The following SLC25A12 variants were observed in gnomAD, a reference collection of about 807,000 sequenced individuals.
The protein encoded by SLC25A12 is solute carrier family 25 member 12.
SLC25A12 carries 32 observed loss-of-function variants against 83.3 expected under a neutral mutation model. That is an observed-to-expected ratio of 0.38 (90% CI 0.29 to 0.52). The LOEUF (loss-of-function observed/expected upper bound fraction) is 0.52, where lower values mean the gene tolerates loss of function less well. SLC25A12 is among the 20% of genes least tolerant of loss of function. SLC25A12 has a pLI of 0.84. For missense variants in SLC25A12, 611 were observed against 835.6 expected (o/e 0.73, Z 3.31); for synonymous variants, 267 against 291.1 (o/e 0.92, Z 0.84).
chr2:171,830,383 T>TA (rs1684405801), intron 8 of SLC25A12, among the ~76,000 whole-genome samples: 1 of 152,238 alleles, frequency 6.6e-6, no homozygotes, highest in Non-Finnish European at 1.5e-5. Context: ...AGATATTCTC[T>TA]AAATTTTTGT....
At chr2:171,870,197 G>T (rs1685429759) in intron 2 of SLC25A12, among the ~76,000 whole-genome samples, 1 of 152,028 alleles carries the variant, frequency 6.6e-6, no homozygotes, top group South Asian at 2.1e-4. Flanking sequence ...CAAATCAAAA[G>T]TTTGGTAATT....
chr2:171,851,469 G>GTGA (rs906738234), intron 4 of SLC25A12, among the ~76,000 whole-genome samples: 1 of 147,998 alleles, frequency 6.8e-6, no homozygotes, highest in Non-Finnish European at 1.5e-5. Flanking sequence ...GATTACAGGC[G>GTGA]TGAGCCACTG....
chr2:171,880,211 T>C (rs1193067437), intron 2 of SLC25A12, among the ~76,000 whole-genome samples: 6 of 152,308 alleles, frequency 3.9e-5, no homozygotes, highest in South Asian at 4.1e-4. Context: ...CCATTTTCTC[T>C]TTTTTTGTAT....
At chr2:171,851,490 C>CT (rs1684930859) in intron 4 of SLC25A12, among the ~76,000 whole-genome samples, 1 of 75,484 alleles carries the variant, frequency 1.3e-5, no homozygotes, top group African/African-American at 3.8e-5. Flanking sequence ...CGCCTGGCCC[C>CT]TTAAAAAAAA....
At chr2:171,831,180 T>C (rs1231115230) in intron 8 of SLC25A12, among the ~76,000 whole-genome samples, 1 of 152,230 alleles carries the variant, frequency 6.6e-6, no homozygotes, top group Non-Finnish European at 1.5e-5. Flanking sequence ...TTCTTGCCAC[T>C]CTTGATGCCC....
intron 2 of SLC25A12, among the ~76,000 whole-genome samples, chr2:171,887,768 T>C (rs966378125): frequency 5.9e-5 from 9 of 152,224 alleles, no homozygotes; most frequent in Admixed American, 5.9e-4. Context: ...TTAAACCAGT[T>C]GTAAAATTAC....
intron 8 of SLC25A12, among the ~76,000 whole-genome samples, chr2:171,833,086 T>C (rs960166118): frequency 6.6e-6 from 1 of 152,142 alleles, no homozygotes; most frequent in African/African-American, 2.4e-5. Context: ...TTTACCAGAT[T>C]ATTTCTTCTC....
At chr2:171,826,974 G>T in intron 8 of SLC25A12, 92 bp from the exon 9 acceptor site, 3 of 752,788 alleles carry the variant, frequency 4.0e-6, no homozygotes, top group South Asian at 3.0e-5. Flanking sequence ...AAAAAACAGT[G>T]AACTATAGTT....
At chr2:171,892,534 T>C (rs1419396771) in intron 2 of SLC25A12, among the ~76,000 whole-genome samples, 7 of 152,186 alleles carry the variant, frequency 4.6e-5, no homozygotes, top group African/African-American at 1.4e-4. Context: ...CTACATCTAC[T>C]TCTTAAGTAC....
At chr2:171,830,007 G>T (rs1684396547) in intron 8 of SLC25A12, among the ~76,000 whole-genome samples, 1 of 152,252 alleles carries the variant, frequency 6.6e-6, no homozygotes, top group Non-Finnish European at 1.5e-5. Flanking sequence ...TAAAGTAAGG[G>T]AGGTTGCACA....
At chr2:171,813,694 C>T (rs959873429) in intron 10 of SLC25A12, among the ~76,000 whole-genome samples, 197 bp from the exon 11 acceptor site, 1 of 152,184 alleles carries the variant, frequency 6.6e-6, no homozygotes, top group Admixed American at 6.5e-5. Flanking sequence ...TCCATAAATA[C>T]AGCTGCTTCA....
intron 2 of SLC25A12, among the ~76,000 whole-genome samples, chr2:171,889,525 G>C (rs1685888121): frequency 6.6e-6 from 1 of 152,096 alleles, no homozygotes; most frequent in African/African-American, 2.4e-5. Context: ...TACACAAAAA[G>C]CTGCCAGAAT....
chr2:171,849,345 T>TAA (rs71013080), intron 4 of SLC25A12, among the ~76,000 whole-genome samples: 108 of 138,676 alleles, frequency 7.8e-4, no homozygotes, highest in Non-Finnish European at 1.3e-3. Context: ...CCTTGAGTAC[T>TAA]AAAAAAAAAA....
intron 1 of SLC25A12, among the ~76,000 whole-genome samples, chr2:171,893,682 T>G (rs1449932533): frequency 1.3e-5 from 2 of 152,134 alleles, no homozygotes; most frequent in African/African-American, 4.8e-5. Flanking sequence ...AACATGTAAT[T>G]ATCTCCGCGT....
intron 13 of SLC25A12, among the ~76,000 whole-genome samples, chr2:171,799,956 A>G (rs960349698): frequency 1.2e-4 from 19 of 152,232 alleles, no homozygotes; most frequent in African/African-American, 3.6e-4. Flanking sequence ...TAAGTTTATC[A>G]CTAATCTCTG....
rs185548081 is a variant in SLC25A12, at chr2:171,783,417, A to G, written c.*1857T>C. On this transcript the variant is annotated 3_prime_UTR_variant, in exon 18 of 18. Coordinates refer to ENST00000422440, the MANE Select transcript of SLC25A12 (RefSeq NM_003705.5). ...GAAATACTATGCAGCCATTAAAAATAAAACTTTATAAACTGACATGGAAAG... is the reference window on the plus strand; with the variant it reads ...GAAATACTATGCAGCCATTAAAAATGAAACTTTATAAACTGACATGGAAAG... Among the ~76,000 whole-genome samples, 1 of 152,354 alleles carries G rather than the reference A, an allele frequency of 6.6e-6. No homozygotes were observed. The highest frequency in any genetic ancestry group is 1.5e-5 in the Non-Finnish European group (1 of 68,040).
At position 171,884,889 on chromosome 2, in the gene SLC25A12, T is replaced by G. The variant is rs185926506; in HGVS notation, c.66+8316A>C. Among the ~76,000 whole-genome samples the G allele has an allele frequency of 3.0e-3, 457 of 152,148 alleles. 2 individuals are homozygous for G. The highest frequency in any genetic ancestry group is 4.5e-3 in the Non-Finnish European group (309 of 67,998). ...TCTATAAAGGTAGAACCTAGTACAG[T>G]GCTTAGCCTGGTACATAGTAGGCAA... On this transcript the variant is annotated intron_variant, in intron 2 of 17. Coordinates refer to ENST00000422440, the MANE Select transcript of SLC25A12 (RefSeq NM_003705.5).
intron 15 of SLC25A12, among the ~76,000 whole-genome samples, chr2:171,790,956 T>C (rs1288097095): frequency 6.6e-6 from 1 of 152,114 alleles, no homozygotes; most frequent in African/African-American, 2.4e-5. Context: ...CTTACTTTGG[T>C]CTAATGAGGG....
intron 3 of SLC25A12, among the ~76,000 whole-genome samples, chr2:171,861,671 G>A (rs2105910736): frequency 1.3e-5 from 2 of 152,288 alleles, no homozygotes; most frequent in Middle Eastern, 6.8e-3. Context: ...GCCTCCCAAA[G>A]TGCTGGGATC....
Sources: gnomAD v4.1 joint callset for allele counts (sites outside exome capture counted in the v4.1 genomes callset) on GRCh38, gnomAD v4.1.1 for gene constraint, MANE v1.5 for transcripts, NCBI Gene and HGNC (gene_info 2026-07-23, HGNC 2026-07-21) for gene names.